Variants in PRKN observed in about 807,000 individuals in gnomAD.
PRKN encodes parkin RBR E3 ubiquitin protein ligase, also known as E3 ubiquitin-protein ligase parkin.
PRKN carries 56 observed loss-of-function variants against 59.5 expected under a neutral mutation model. The ratio of observed to expected loss-of-function variants is 0.94; its 90% confidence interval spans 0.76 to 1.18. The LOEUF (loss-of-function observed/expected upper bound fraction) is 1.18, where lower values mean the gene tolerates loss of function less well. Ranked by LOEUF, PRKN falls within the 50% of genes most tolerant of loss-of-function variation. The pLI is 0.00. For missense variants in PRKN, 657 were observed against 596.4 expected (o/e 1.10, Z -1.06); for synonymous variants, 250 against 222.1 (o/e 1.13, Z -1.12).
intron 9 of PRKN, among the ~76,000 whole-genome samples, chr6:161,490,504 T>A (rs1202531893): frequency 6.6e-6 from 1 of 151,466 alleles, no homozygotes; most frequent in African/African-American, 2.4e-5. Flanking sequence ...GATTCTCCTG[T>A]CTCAGCCTCC....
At chr6:162,444,096 C>T (rs912667966) in intron 1 of PRKN, among the ~76,000 whole-genome samples, 5 of 152,086 alleles carry the variant, frequency 3.3e-5, no homozygotes, top group African/African-American at 9.7e-5. Flanking sequence ...CACTGTTCCC[C>T]GTGAGACCCA....
At chr6:162,282,404 A>C (rs1780948143) in intron 2 of PRKN, among the ~76,000 whole-genome samples, 1 of 152,164 alleles carries the variant, frequency 6.6e-6, no homozygotes, top group South Asian at 2.1e-4. Context: ...CATCTGCTAA[A>C]ATCCATATTA....
At chr6:162,302,756 G>A (rs1464383733) in intron 2 of PRKN, among the ~76,000 whole-genome samples, 1 of 151,990 alleles carries the variant, frequency 6.6e-6, no homozygotes, top group African/African-American at 2.4e-5. Context: ...ATCACCAACA[G>A]GGGTCTCTTT....
At chr6:162,277,446 G>A (rs1034247266) in intron 2 of PRKN, among the ~76,000 whole-genome samples, 1 of 152,076 alleles carries the variant, frequency 6.6e-6, no homozygotes, top group Non-Finnish European at 1.5e-5. Context: ...ATTTTTGAAG[G>A]TGCAAATTAG....
intron 1 of PRKN, among the ~76,000 whole-genome samples, chr6:162,530,679 C>T (rs1373541537): frequency 3.3e-5 from 5 of 152,124 alleles, no homozygotes; most frequent in East Asian, 1.9e-4. Flanking sequence ...CATGAGGGAT[C>T]GCTATTAGCA....
intron 2 of PRKN, among the ~76,000 whole-genome samples, chr6:162,347,639 A>T (rs970888234): frequency 2.0e-5 from 3 of 152,202 alleles, no homozygotes; most frequent in Middle Eastern, 3.4e-3. Context: ...GTATATATAT[A>T]TTTTTATATA....
At chr6:161,833,335 T>C (rs1366088976) in intron 6 of PRKN, among the ~76,000 whole-genome samples, 2 of 152,246 alleles carry the variant, frequency 1.3e-5, no homozygotes, top group African/African-American at 4.8e-5. Context: ...CTAATCCTCT[T>C]GCTTAATGTC....
chr6:161,605,573 G>A (rs112295114), intron 7 of PRKN, among the ~76,000 whole-genome samples: 3,631 of 150,452 alleles, frequency 0.024, 110 homozygotes, highest in African/African-American at 0.072. Flanking sequence ...GTGCAGTGGC[G>A]CGATCTTGGC....
intron 6 of PRKN, among the ~76,000 whole-genome samples, chr6:161,955,649 G>C (rs1415198885): frequency 6.6e-6 from 1 of 152,140 alleles, no homozygotes; most frequent in Admixed American, 6.5e-5. Context: ...TCAGGAGTTT[G>C]AGACCAGCCT....
chr6:162,445,689 TAAAAAAAAAAAAAAAAA>T (rs71004091), intron 1 of PRKN, among the ~76,000 whole-genome samples: 15 of 28,748 alleles, frequency 5.2e-4, no homozygotes, highest in African/African-American at 7.0e-4. Context: ...AGACCTTGTC[TAAAAAAAAAAAAAAAAA>T]AAAAAAAAAA....
intron 6 of PRKN, among the ~76,000 whole-genome samples, chr6:161,888,495 C>T (rs940751233): frequency 6.6e-6 from 1 of 152,296 alleles, no homozygotes; most frequent in African/African-American, 2.4e-5. Flanking sequence ...TGGGGTTGCA[C>T]CATGTACCAG....
intron 10 of PRKN, among the ~76,000 whole-genome samples, chr6:161,380,426 C>CTTTTTTT (rs977152868): frequency 4.7e-4 from 56 of 117,954 alleles, no homozygotes; most frequent in Non-Finnish European, 7.3e-4. Context: ...CCAAGTCTAT[C>CTTTTTTT]TTTTTTTTTT....
At chr6:162,002,610 C>A (rs1308039622) in intron 5 of PRKN, among the ~76,000 whole-genome samples, 1 of 150,124 alleles carries the variant, frequency 6.7e-6, no homozygotes, top group African/African-American at 2.4e-5. Flanking sequence ...TCATTTTTCT[C>A]TATTGATTTC....
chr6:161,758,640 T>A (rs753425244), intron 7 of PRKN, among the ~76,000 whole-genome samples: 1 of 152,170 alleles, frequency 6.6e-6, no homozygotes, highest in Admixed American at 6.5e-5. Context: ...ACATTTTAAA[T>A]ATGGGCCTCT....
At chr6:161,691,903 T>C (rs1385977960) in intron 7 of PRKN, among the ~76,000 whole-genome samples, 1 of 152,152 alleles carries the variant, frequency 6.6e-6, no homozygotes, top group Non-Finnish European at 1.5e-5. Flanking sequence ...CAAATAAGAC[T>C]TAGCGAGTGG....
chr6:162,437,335 G>A (rs564509154), intron 2 of PRKN, among the ~76,000 whole-genome samples: 3 of 152,258 alleles, frequency 2.0e-5, no homozygotes, highest in South Asian at 2.1e-4. Flanking sequence ...CTCTGTGAAA[G>A]TGGACAGATA....
intron 4 of PRKN, among the ~76,000 whole-genome samples, chr6:162,145,836 C>G (rs61406550): frequency 2.6e-5 from 4 of 152,164 alleles, no homozygotes; most frequent in Admixed American, 6.5e-5. Context: ...TGATGGGCGG[C>G]GAAAAGCAAC....
At chr6:162,213,852 CACACACAT>C (rs1437940125) in intron 3 of PRKN, among the ~76,000 whole-genome samples, 7 of 104,618 alleles carry the variant, frequency 6.7e-5, no homozygotes, top group South Asian at 6.6e-4. Context: ...CACACACACA[CACACACAT>C]ATGAATAGTA....
chr6:161,542,622 G>A (rs1289291754), intron 9 of PRKN, among the ~76,000 whole-genome samples: 1 of 152,128 alleles, frequency 6.6e-6, no homozygotes, highest in Non-Finnish European at 1.5e-5. Context: ...AAATAAACAT[G>A]GACTGCATAT....
Sources: gnomAD v4.1 joint callset for allele counts (sites outside exome capture counted in the v4.1 genomes callset) on GRCh38, gnomAD v4.1.1 for gene constraint, MANE v1.5 for transcripts, NCBI Gene and HGNC (gene_info 2026-07-23, HGNC 2026-07-21) for gene names.